SLC36A4: variants seen among roughly 807,000 people sequenced by gnomAD.
The protein encoded by SLC36A4 is neutral amino acid uniporter 4.
In SLC36A4, 49 loss-of-function variants were observed where a neutral mutation model predicts 50.5. That is an observed-to-expected ratio of 0.97 (90% CI 0.77 to 1.23). The LOEUF (loss-of-function observed/expected upper bound fraction) is 1.23. SLC36A4 is among the 50% of genes most tolerant of loss of function. The pLI, the probability that SLC36A4 is intolerant of heterozygous loss-of-function variation, is 0.00. For synonymous variants in SLC36A4, 207 were observed against 206.5 expected, an observed-to-expected ratio of 1.00 and a Z score of -0.02; for missense variants, 611 against 608.4, an observed-to-expected ratio of 1.00 and a Z score of -0.05.
At chr11:93,181,263 A>C (rs1240461841) in intron 5 of SLC36A4, among the ~76,000 whole-genome samples, 1 of 152,134 alleles carries the variant, frequency 6.6e-6, no homozygotes, top group African/African-American at 2.4e-5. Context: ...GGTTATGCTA[A>C]AATATAGCCA....
chr11:93,190,296 G>A (rs958456217), intron 1 of SLC36A4, among the ~76,000 whole-genome samples: 7 of 152,074 alleles, frequency 4.6e-5, no homozygotes, highest in Non-Finnish European at 1.0e-4. Flanking sequence ...AAGATCTAAT[G>A]TTCTATAGCA....
chr11:93,171,870 G>A (rs1460151020), intron 6 of SLC36A4: 2 of 152,046 alleles, frequency 1.3e-5, no homozygotes, highest in Non-Finnish European at 2.9e-5. Context: ...TAATGCTAAT[G>A]GAAGGACTGA....
chr11:93,161,471 T>A (rs1168704750), intron 9 of SLC36A4, among the ~76,000 whole-genome samples: 1 of 152,200 alleles, frequency 6.6e-6, no homozygotes, highest in Non-Finnish European at 1.5e-5. Flanking sequence ...ACACACCACA[T>A]GTATGCTCCT....
In SLC36A4 at chr11:93,148,718, T is replaced by A; in HGVS notation, c.1334A>T (p.Tyr445Phe). The A allele has an allele frequency of 6.2e-7, 1 of 1,612,962 alleles. No individual in the cohort carries two copies. The highest frequency in any genetic ancestry group is 1.3e-5 in the African/African-American group (1 of 74,968). Residue 445 changes from tyrosine (Y) to phenylalanine (F), a missense_variant, in exon 11 of 11, where the codon TAT becomes TTT. Transcript: ENST00000326402. ...ATTTTTCAGGACCATCCATATATTA[T>A]AATGTTCCTTCGAAAATGTAAGAAT... ...VEILTFSKEH[Y>F]NIWMVLKNIS... is the part of the protein sequence containing the mutation.
intron 9 of SLC36A4, chr11:93,155,579 T>C (rs1386758585): frequency 1.3e-5 from 2 of 152,122 alleles, no homozygotes; most frequent in Non-Finnish European, 2.9e-5. Flanking sequence ...GTAGTAAGGA[T>C]TTTTTAATTT....
chr11:93,185,618 T>C (rs1861949071), intron 2 of SLC36A4, 73 bp downstream of exon 2: 1 of 1,355,400 alleles, frequency 7.4e-7, no homozygotes. Flanking sequence ...ATAGAATGTC[T>C]TGCCTGTAGA....
chr11:93,148,828 A>G lies in SLC36A4; in HGVS notation c.1224T>C (p.Leu408=). 1 of 1,610,170 alleles carries G rather than the reference A, an allele frequency of 6.2e-7. No individual in the cohort carries two copies. Residue 408 remains leucine, a synonymous_variant, in exon 11 of 11, where the codon CTT becomes CTC. Coordinates refer to ENST00000326402, the MANE Select transcript of SLC36A4 (RefSeq NM_152313.4). ...LVSITCAGAI[L]IPRLDIVISF... ...AAATCACAATGTCTAAACGAGGAAT[A>G]AGAATTGCTCCGGCACCTAGAAAAT...
Position 93,145,405 on chromosome 11 carries a change from C to T in SLC36A4, c.*3132G>A, listed in dbSNP as rs1859828655. On this transcript the variant is annotated 3_prime_UTR_variant, in exon 11 of 11. Coordinates refer to ENST00000326402, the MANE Select transcript of SLC36A4 (RefSeq NM_152313.4). ...ACTTGTTTTCATTTGGTAACATCATCTAAACTGGTTTTTAACCAAGAATAC... is the reference window on the plus strand; with the variant it reads ...ACTTGTTTTCATTTGGTAACATCATTTAAACTGGTTTTTAACCAAGAATAC... 6.6e-6 allele frequency: 1 copy of T among 152,004 alleles called. No individual in the cohort carries two copies. Among genetic ancestry groups the T allele is most frequent in the Non-Finnish European group, 1.5e-5 (1 of 67,958 alleles). The allele number at this position is 152,004 out of a possible 1,614,324, so 9.4% of individuals were successfully genotyped here. A position where few individuals can be genotyped will look rare whatever the true frequency, so the allele number is the denominator to read the frequency against.
rs1439973217 is a variant in SLC36A4, at chr11:93,167,975, C to CT, written c.736dup (p.Ser246LysfsTer40). 6.2e-7 allele frequency: 1 copy of CT among 1,611,172 alleles called. No homozygotes were observed. The highest frequency in any genetic ancestry group is 1.1e-5 in the South Asian group (1 of 90,664). Reference sequence around the variant, plus strand: ...AACATACTGGTAAATTATCACAAGACTGACAGCCATGGAAACGTTGGCAAG... The same window carrying CT: ...AACATACTGGTAAATTATCACAAGACTTGACAGCCATGGAAACGTTGGCAAG... On this transcript the variant is annotated frameshift_variant, in exon 7 of 11. Coordinates refer to ENST00000326402, the MANE Select transcript of SLC36A4 (RefSeq NM_152313.4). LOFTEE classifies it high-confidence loss of function.
Position 93,176,295 on chromosome 11 carries a change from T to G in SLC36A4, c.540+4502A>C, listed in dbSNP as rs1451717312. Among the ~76,000 whole-genome samples the G allele has an allele frequency of 2.9e-3, 443 of 150,222 alleles. 1 individual carries two copies. Among genetic ancestry groups the G allele is most frequent in the African/African-American group, 8.6e-3 (356 of 41,256 alleles). On this transcript the variant is annotated intron_variant, in intron 6 of 10. Coordinates refer to ENST00000326402, the MANE Select transcript of SLC36A4 (RefSeq NM_152313.4). ...CCCCTGCCTTTTTTTGTTTTCCATT[T>G]GCTTGGTAGATCTTCCTCCATCCTT...
At chr11:93,153,479 C>G (rs570073058) in intron 10 of SLC36A4, among the ~76,000 whole-genome samples, 1 of 152,102 alleles carries the variant, frequency 6.6e-6, no homozygotes, top group African/African-American at 2.4e-5. Context: ...CCTAAAGACA[C>G]CACCGAGTAA....
chr11:93,181,026 C>A lies in SLC36A4; in HGVS notation c.456-145G>T. ...TGTCAGGAACTCAGAGCAGTTCATG[C>A]CAAATCTAACTTCCTGAAAATCTCC... On this transcript the variant is annotated intron_variant, in intron 5 of 10. Coordinates refer to ENST00000326402, the MANE Select transcript of SLC36A4 (RefSeq NM_152313.4). 3 of 615,504 alleles carry A rather than the reference C, an allele frequency of 4.9e-6. No homozygotes were observed. The South Asian group carries it at 6.3e-5, about 13-fold the overall frequency. The allele number at this position is 615,504 out of a possible 1,614,324, so 38.1% of individuals were successfully genotyped here.
At chr11:93,175,029 T>C (rs1293770391) in intron 6 of SLC36A4, among the ~76,000 whole-genome samples, 6 of 151,878 alleles carry the variant, frequency 4.0e-5, no homozygotes, top group African/African-American at 1.5e-4. Flanking sequence ...ATGGTACCAG[T>C]TCCTCCTTGT....
chr11:93,162,412 G>T (rs1424215465), intron 9 of SLC36A4, among the ~76,000 whole-genome samples: 1 of 151,938 alleles, frequency 6.6e-6, no homozygotes, highest in Admixed American at 6.6e-5. Context: ...GGGTTCAAGC[G>T]ATTCTCCTGC....
At position 93,185,690 on chromosome 11, in the gene SLC36A4, C is replaced by G. The variant is rs759794346; in HGVS notation, c.179+1G>C. The G allele has an allele frequency of 6.3e-7, 1 of 1,581,328 alleles. No individual in the cohort carries two copies. Among genetic ancestry groups the G allele is most frequent in the Admixed American group, 2.0e-5 (1 of 50,128 alleles). ...GGAGACTTATAAACCATAACACTTA[C>G]GAAATGCCCTCTTGATCATCAAGTT... On this transcript the variant is annotated splice_donor_variant, in intron 2 of 10. Transcript: ENST00000326402. LOFTEE classifies it high-confidence loss of function.
chr11:93,186,958 G>A (rs184327660), intron 1 of SLC36A4, among the ~76,000 whole-genome samples: 1 of 152,286 alleles, frequency 6.6e-6, no homozygotes. Flanking sequence ...TGCTGATGTT[G>A]CTGGTCTGGG....
At chr11:93,159,926 T>C in intron 9 of SLC36A4, 1 of 985,394 alleles carries the variant, frequency 1.0e-6, no homozygotes, top group African/African-American at 1.7e-5. Flanking sequence ...TAGTAGCCAT[T>C]AGTTCTCTAG....
Position 93,181,724 on chromosome 11 carries a change from C to G in SLC36A4, c.422G>C (p.Trp141Ser). ...TGCTGCTTGCTTCTGAAGACAACTC[C>G]AAGGACTCACTTCCATAGCAAAGCT... Reference protein sequence around the residue: ...TVSFAMEVSPWSCLQKQAAWG... With the variant: ...TVSFAMEVSPSSCLQKQAAWG... The change falls in exon 5 of 11, where the codon TGG (tryptophan) becomes TCG (serine). Residue 141 changes from tryptophan (W) to serine (S), a missense_variant. Trp to Ser is a radical substitution (Grantham distance 177). Coordinates refer to ENST00000326402, the MANE Select transcript of SLC36A4 (RefSeq NM_152313.4). 1 of 1,541,470 alleles carries G rather than the reference C, an allele frequency of 6.5e-7. No homozygotes were observed. Among genetic ancestry groups the G allele is most frequent in the Non-Finnish European group, 8.8e-7 (1 of 1,137,260 alleles).
At chr11:93,186,049 A>C (rs2134701890) in intron 1 of SLC36A4, among the ~76,000 whole-genome samples, 1 of 152,336 alleles carries the variant, frequency 6.6e-6, no homozygotes. Flanking sequence ...TTAAATATTA[A>C]ATGCAAAACT....
Sources: gnomAD v4.1 joint callset for allele counts (sites outside exome capture counted in the v4.1 genomes callset) on GRCh38, gnomAD v4.1.1 for gene constraint, MANE v1.5 for transcripts, NCBI Gene and HGNC (gene_info 2026-07-23, HGNC 2026-07-21) for gene names.